The following RCSD1 variants were observed in gnomAD, a reference collection of about 807,000 sequenced individuals.
The protein encoded by RCSD1 is capZ-interacting protein.
In RCSD1, 26 loss-of-function variants were observed where a neutral mutation model predicts 42.5. The ratio of observed to expected loss-of-function variants is 0.61; its 90% CI spans 0.45 to 0.85. The LOEUF (loss-of-function observed/expected upper bound fraction) is 0.85, where lower values mean the gene tolerates loss of function less well. RCSD1 is among the 40% of genes least tolerant of loss of function. The pLI is 0.00. For synonymous variants in RCSD1, 220 were observed against 212.2 expected (o/e 1.04, Z -0.32); for missense variants, 571 against 528.3 (o/e 1.08, Z -0.79).
chr1:167,689,972 G>A, intron 3 of RCSD1, 77 bp from the exon 4 acceptor site: 1 of 1,383,836 alleles, frequency 7.2e-7, no homozygotes, highest in Non-Finnish European at 1.0e-6. Flanking sequence ...CCTTCTGCCT[G>A]TGGCTTTTGG....
At chr1:167,698,763 A>G (rs1000202902) in intron 6 of RCSD1, among the ~76,000 whole-genome samples, 1 of 151,534 alleles carries the variant, frequency 6.6e-6, no homozygotes, top group African/African-American at 2.4e-5. Flanking sequence ...CTGCTACAGT[A>G]GCCTCTTTGT....
intron 1 of RCSD1, among the ~76,000 whole-genome samples, chr1:167,645,023 GAA>G (rs1658099596): frequency 6.6e-6 from 1 of 152,232 alleles, no homozygotes; most frequent in South Asian, 2.1e-4. Flanking sequence ...CTTTCCTGAA[GAA>G]AGTCTCCAGT....
chr1:167,638,694 A>G (rs1216815866), intron 1 of RCSD1, among the ~76,000 whole-genome samples: 2 of 152,212 alleles, frequency 1.3e-5, no homozygotes, highest in Non-Finnish European at 2.9e-5. Context: ...TGCACAGCTA[A>G]AAGACTTCTG....
chr1:167,651,416 C>T (rs1658301493), intron 1 of RCSD1, among the ~76,000 whole-genome samples: 1 of 152,224 alleles, frequency 6.6e-6, no homozygotes, highest in Non-Finnish European at 1.5e-5. Context: ...TGGGCCACAT[C>T]CTAGAAAGAG....
intron 1 of RCSD1, among the ~76,000 whole-genome samples, chr1:167,647,576 T>TTAAA (rs1486042272): frequency 1.3e-5 from 2 of 151,862 alleles, no homozygotes; most frequent in African/African-American, 4.8e-5. Flanking sequence ...ACTAAATTAA[T>TTAAA]TAAATAAATA....
intron 5 of RCSD1, among the ~76,000 whole-genome samples, 178 bp downstream of exon 5, chr1:167,694,480 G>A (rs1434805120): frequency 6.6e-6 from 1 of 152,120 alleles, no homozygotes; most frequent in Non-Finnish European, 1.5e-5. Flanking sequence ...CCTGAACTAG[G>A]ATCACCTTTT....
At chr1:167,649,535 G>A (rs988304774) in intron 1 of RCSD1, among the ~76,000 whole-genome samples, 1 of 151,968 alleles carries the variant, frequency 6.6e-6, no homozygotes, top group Non-Finnish European at 1.5e-5. Flanking sequence ...AGAGTGATGG[G>A]GGGGCAGAAA....
intron 4 of RCSD1, among the ~76,000 whole-genome samples, chr1:167,690,599 A>G (rs1659352062): frequency 6.6e-6 from 1 of 152,184 alleles, no homozygotes; most frequent in Admixed American, 6.5e-5. Flanking sequence ...GCTTGGGCCC[A>G]GGAGGTTGAG....
chr1:167,702,533 C>T (rs765048651), intron 6 of RCSD1, among the ~76,000 whole-genome samples: 1 of 152,208 alleles, frequency 6.6e-6, no homozygotes, highest in Admixed American at 6.5e-5. Context: ...AATCACAGCA[C>T]TTTGGGAGGC....
intron 3 of RCSD1, 101 bp downstream of exon 3, chr1:167,685,611 C>T (rs1200824411): frequency 1.1e-6 from 1 of 881,758 alleles, no homozygotes; most frequent in Non-Finnish European, 1.8e-6. Flanking sequence ...TACTTTAAAG[C>T]TCAGACTCTG....
chr1:167,669,079 A>T (rs990146719), intron 1 of RCSD1, among the ~76,000 whole-genome samples: 2 of 152,224 alleles, frequency 1.3e-5, no homozygotes, highest in Non-Finnish European at 2.9e-5. Flanking sequence ...ACAGTCAAAG[A>T]TTAAGTAAGG....
intron 1 of RCSD1, among the ~76,000 whole-genome samples, chr1:167,660,678 T>C (rs962815285): frequency 5.9e-5 from 9 of 152,154 alleles, no homozygotes; most frequent in Non-Finnish European, 1.0e-4. Context: ...CTCATTTTGT[T>C]GTCCAGGGTG....
chr1:167,654,850 T>C (rs948050612), intron 1 of RCSD1, among the ~76,000 whole-genome samples: 1 of 151,944 alleles, frequency 6.6e-6, no homozygotes, highest in Admixed American at 6.6e-5. Flanking sequence ...AATATATATA[T>C]AGAAGACAGG....
At chr1:167,657,482 C>T (rs984132653) in intron 1 of RCSD1, among the ~76,000 whole-genome samples, 2 of 152,212 alleles carry the variant, frequency 1.3e-5, no homozygotes, top group Non-Finnish European at 2.9e-5. Flanking sequence ...TTAGGGCTGG[C>T]TGCAAATGGG....
chr1:167,695,538 A>ATTTTTT (rs34867466), intron 5 of RCSD1, among the ~76,000 whole-genome samples: 5,945 of 140,802 alleles, frequency 0.042, 162 homozygotes, highest in Middle Eastern at 0.1. Context: ...TTACACACTA[A>ATTTTTT]TTTTTTTTTT....
chr1:167,678,099 G>A (rs991167586), intron 1 of RCSD1, among the ~76,000 whole-genome samples: 1 of 152,128 alleles, frequency 6.6e-6, no homozygotes, highest in African/African-American at 2.4e-5. Context: ...CCCTCACATT[G>A]AGAATGAAAG....
At chr1:167,678,675 C>T (rs1213102093) in intron 1 of RCSD1, among the ~76,000 whole-genome samples, 1 of 152,162 alleles carries the variant, frequency 6.6e-6, no homozygotes, top group Non-Finnish European at 1.5e-5. Flanking sequence ...CGACTCAGGT[C>T]ACGTCCCTCC....
At chr1:167,699,094 G>T (rs543978250) in intron 6 of RCSD1, among the ~76,000 whole-genome samples, 2 of 152,104 alleles carry the variant, frequency 1.3e-5, no homozygotes, top group Non-Finnish European at 2.9e-5. Context: ...CACCGCGCCC[G>T]GCCTTACAGT....
intron 1 of RCSD1, among the ~76,000 whole-genome samples, chr1:167,673,998 C>T (rs997941866): frequency 2.0e-5 from 3 of 152,216 alleles, no homozygotes; most frequent in Admixed American, 6.5e-5. Flanking sequence ...GCAGCAATGG[C>T]CTGTTTTCAT....
Sources: gnomAD v4.1 joint callset for allele counts (sites outside exome capture counted in the v4.1 genomes callset) on GRCh38, gnomAD v4.1.1 for gene constraint, MANE v1.5 for transcripts, NCBI Gene and HGNC (gene_info 2026-07-23, HGNC 2026-07-21) for gene names.